Variants in ARPC1A observed in about 807,000 individuals in gnomAD.
ARPC1A encodes the protein actin-related protein 2/3 complex subunit 1A.
ARPC1A carries 8 observed loss-of-function variants against 46.9 expected under a neutral mutation model. The observed-to-expected ratio is 0.17, with a 90% CI of 0.10 to 0.31. The LOEUF is 0.31. Ranked by LOEUF, ARPC1A falls within the 10% of genes least tolerant of loss-of-function variation. ARPC1A has a pLI of 1.00. For missense variants in ARPC1A, 286 were observed against 483.6 expected (o/e 0.59, Z 3.83); for synonymous variants, 152 against 169.0 (o/e 0.90, Z 0.78).
At chr7:99,344,239 C>T (rs531113906) in intron 3 of ARPC1A, 54 bp from the exon 4 acceptor site, 54 of 1,569,926 alleles carry the variant, frequency 3.4e-5, no homozygotes, top group East Asian at 4.5e-5. Context: ...CTGCCTGTGC[C>T]GCAGTTGTTT....
At chr7:99,330,374 G>C (rs1793126336) in intron 1 of ARPC1A, among the ~76,000 whole-genome samples, 1 of 152,084 alleles carries the variant, frequency 6.6e-6, no homozygotes, top group African/African-American at 2.4e-5. Flanking sequence ...CAGTGCAGTG[G>C]CACCATCTTG....
intron 2 of ARPC1A, among the ~76,000 whole-genome samples, chr7:99,336,604 C>T (rs1158915012): frequency 6.6e-6 from 1 of 150,962 alleles, no homozygotes. Context: ...AGCGATTCTC[C>T]TGCCTCAGCC....
At chr7:99,344,120 A>T (rs1010268570) in intron 3 of ARPC1A, among the ~76,000 whole-genome samples, 173 bp from the exon 4 acceptor site, 1 of 152,234 alleles carries the variant, frequency 6.6e-6, no homozygotes, top group Non-Finnish European at 1.5e-5. Flanking sequence ...GCAGAGAAGC[A>T]TCCTTGCCTT....
chr7:99,337,914 G>A (rs1458409439), intron 2 of ARPC1A, among the ~76,000 whole-genome samples: 2 of 151,650 alleles, frequency 1.3e-5, no homozygotes, highest in East Asian at 3.9e-4. Flanking sequence ...TTTATTTTTC[G>A]CTGGTTAGAA....
intron 2 of ARPC1A, 98 bp from the exon 3 acceptor site, chr7:99,338,083 C>A: frequency 1.2e-6 from 1 of 818,834 alleles, no homozygotes; most frequent in Non-Finnish European, 1.8e-6. Flanking sequence ...TTTTTCTTTT[C>A]CTTACTATAG....
At chr7:99,350,519 T>C (rs896337922) in intron 5 of ARPC1A, among the ~76,000 whole-genome samples, 16 of 152,318 alleles carry the variant, frequency 1.1e-4, no homozygotes, top group African/African-American at 3.8e-4. Flanking sequence ...TAATTGCTTT[T>C]TAAAGTTGTT....
rs1320197623 is a variant in ARPC1A at position 99,363,571 on chromosome 7, C to A, written c.1012C>A (p.Gln338Lys). The change falls in exon 9 of 10, where the codon CAA (glutamine) becomes AAA (lysine). Residue 338 changes from glutamine to lysine, a missense_variant. By Grantham distance (53) the Gln-to-Lys change is moderately conservative. Transcript: ENST00000262942. Reference sequence around the variant, plus strand: ...AGTCTCTATTTATGAGGTGGACAAGCAAGATTGTCGCAAATTTTGCACTAC... The same window carrying A: ...AGTCTCTATTTATGAGGTGGACAAGAAAGATTGTCGCAAATTTTGCACTAC... ...TQVSIYEVDK[Q>K]DCRKFCTTGI... The A allele has an allele frequency of 1.2e-6, 2 of 1,613,116 alleles. No homozygotes were observed. The highest frequency in any genetic ancestry group is 1.7e-5 in the Admixed American group (1 of 59,822).
chr7:99,331,710 G>T (rs562317322), intron 1 of ARPC1A, among the ~76,000 whole-genome samples: 1 of 152,142 alleles, frequency 6.6e-6, no homozygotes, highest in Non-Finnish European at 1.5e-5. Context: ...CTTGAGGCCA[G>T]GTGTTCAAGA....
chr7:99,354,258 C>T, intron 6 of ARPC1A, 137 bp downstream of exon 6: 1 of 1,008,348 alleles, frequency 9.9e-7, no homozygotes, highest in South Asian at 1.7e-5. Context: ...CGTGGTGGCT[C>T]ACGCCTGTAA....
intron 1 of ARPC1A, among the ~76,000 whole-genome samples, chr7:99,330,296 T>C (rs991436803): frequency 2.7e-5 from 4 of 150,632 alleles, no homozygotes; most frequent in Non-Finnish European, 5.9e-5. Flanking sequence ...ACCTTTGGGT[T>C]CCCCCCCCCT....
intron 6 of ARPC1A, 123 bp from the exon 7 acceptor site, chr7:99,358,217 C>A: frequency 1.1e-6 from 1 of 914,648 alleles, no homozygotes; most frequent in South Asian, 1.6e-5. Flanking sequence ...GGCTCCTTTT[C>A]AACATAAGTG....
chr7:99,347,770 G>A (rs557517083), intron 4 of ARPC1A, among the ~76,000 whole-genome samples: 5 of 151,200 alleles, frequency 3.3e-5, no homozygotes, highest in Admixed American at 6.6e-5. Context: ...TGGAGGTTGC[G>A]GTGAGCTGAG....
intron 1 of ARPC1A, among the ~76,000 whole-genome samples, chr7:99,330,244 C>A (rs1793123871): frequency 1.3e-5 from 2 of 152,140 alleles, no homozygotes; most frequent in African/African-American, 4.8e-5. Flanking sequence ...CATTTCTCTG[C>A]CAGTTCAAGG....
chr7:99,333,078 G>A (rs1020931723), intron 1 of ARPC1A, among the ~76,000 whole-genome samples: 2 of 152,092 alleles, frequency 1.3e-5, no homozygotes, highest in African/African-American at 4.8e-5. Flanking sequence ...TGTATTTTTA[G>A]TAGAAACTGG....
At position 99,343,727 on chromosome 7, in the gene ARPC1A, C is replaced by T. The variant is rs538606900; in HGVS notation, c.170-566C>T. Among the ~76,000 whole-genome samples, 3 of 152,234 alleles carry T rather than the reference C, an allele frequency of 2.0e-5. No individual in the cohort carries two copies. In the South Asian group the frequency reaches 6.2e-4, roughly 32 times the overall value. Reference sequence around the variant, plus strand: ...AGAAACAAGGATTCTTTCACAGGACCTGCATCATGTAGAAAAGGTTTTCAG... The same window carrying T: ...AGAAACAAGGATTCTTTCACAGGACTTGCATCATGTAGAAAAGGTTTTCAG... On this transcript the variant is annotated intron_variant, in intron 3 of 9. Transcript: ENST00000262942.
At chr7:99,337,623 A>G (rs1200317919) in intron 2 of ARPC1A, among the ~76,000 whole-genome samples, 1 of 152,196 alleles carries the variant, frequency 6.6e-6, no homozygotes, top group Non-Finnish European at 1.5e-5. Context: ...GGATTAGTTC[A>G]GGAAATTACT....
At chr7:99,358,527 CAG>C (rs1793681440) in intron 7 of ARPC1A, 112 bp downstream of exon 7, 4 of 511,520 alleles carry the variant, frequency 7.8e-6, no homozygotes, top group Non-Finnish European at 1.3e-5. Context: ...TTAGAAGAAA[CAG>C]AGCTCACTTT....
intron 9 of ARPC1A, among the ~76,000 whole-genome samples, chr7:99,365,430 G>C (rs1441803873): frequency 2.0e-5 from 3 of 151,968 alleles, no homozygotes; most frequent in Non-Finnish European, 4.4e-5. Context: ...GTGAGATCCT[G>C]TCTCTATTTA....
In ARPC1A at chr7:99,359,789, C is replaced by G. The variant is rs1033594188; in HGVS notation, c.983+51C>G. 5.0e-6 allele frequency: 8 copies of G among 1,594,810 alleles called. No individual in the cohort carries two copies. The African/African-American group carries it at 1.1e-4, about 21-fold the overall frequency. ...TCAGGTGACAAGGTGCCTTCCTGCC[C>G]CTCGCTGTTTCCTTACTGGGTTCCT... On this transcript the variant is annotated intron_variant, in intron 8 of 9. Transcript: ENST00000262942.
Sources: allele counts gnomAD v4.1 joint callset (sites outside exome capture counted in the v4.1 genomes callset), GRCh38; gene constraint gnomAD v4.1.1; transcripts MANE v1.5; gene names NCBI Gene and HGNC (gene_info 2026-07-23, HGNC 2026-07-21).